CACNA2D3: variants seen among roughly 807,000 people sequenced by gnomAD.
CACNA2D3 encodes the protein calcium voltage-gated channel auxiliary subunit alpha2delta 3.
Under a neutral mutation model 160.6 loss-of-function variants are expected in CACNA2D3, and 60 were observed. The ratio of observed to expected loss-of-function variants is 0.37; its 90% CI spans 0.30 to 0.46. The LOEUF (loss-of-function observed/expected upper bound fraction) is 0.46. Ranked by LOEUF, CACNA2D3 falls within the 20% of genes least tolerant of loss-of-function variation. The pLI, the probability that CACNA2D3 is intolerant of heterozygous loss-of-function variation, is 1.00. For missense variants in CACNA2D3, 1,205 were observed against 1,365.0 expected (o/e 0.88, Z 1.85); for synonymous variants, 558 against 492.9 (o/e 1.13, Z -1.75).
chr3:54,589,095 G>A (rs770067034), intron 9 of CACNA2D3, among the ~76,000 whole-genome samples: 17 of 151,830 alleles, frequency 1.1e-4, no homozygotes, highest in Non-Finnish European at 1.6e-4. Flanking sequence ...TGAAGTAGAA[G>A]GAATCAATCT....
intron 34 of CACNA2D3, among the ~76,000 whole-genome samples, chr3:55,017,090 T>G (rs1177424263): frequency 6.6e-6 from 1 of 152,222 alleles, no homozygotes; most frequent in African/African-American, 2.4e-5. Flanking sequence ...TAAAATCCCA[T>G]TGAATTTTGG....
chr3:54,888,613 A>G (rs1002502395), intron 24 of CACNA2D3, among the ~76,000 whole-genome samples: 1 of 152,230 alleles, frequency 6.6e-6, no homozygotes, highest in Non-Finnish European at 1.5e-5. Flanking sequence ...TAAAAAGAAA[A>G]GGAAGAACCA....
chr3:55,021,851 A>G (rs1055693596), intron 35 of CACNA2D3, among the ~76,000 whole-genome samples: 13 of 151,726 alleles, frequency 8.6e-5, no homozygotes, highest in Non-Finnish European at 1.9e-4. Flanking sequence ...CCTTTTTATT[A>G]CTGAAGCCTA....
intron 2 of CACNA2D3, among the ~76,000 whole-genome samples, chr3:54,280,012 T>C (rs1702834441): frequency 1.3e-5 from 2 of 152,208 alleles, no homozygotes; most frequent in African/African-American, 4.8e-5. Flanking sequence ...GTGATTTCTT[T>C]GATACAACTA....
chr3:54,141,086 T>TGTGTGTGTGTGTGTGCGC (rs61601297), intron 2 of CACNA2D3, among the ~76,000 whole-genome samples: 1 of 119,800 alleles, frequency 8.3e-6, no homozygotes, highest in South Asian at 2.8e-4. Flanking sequence ...TGTGTGTGTG[T>TGTGTGTGTGTGTGTGCGC]GCGCGCGCGC....
At position 54,299,705 on chromosome 3, in the gene CACNA2D3, A is replaced by G. The variant is rs544275531; in HGVS notation, c.205-20737A>G. Among the ~76,000 whole-genome samples, 86 of 152,362 alleles carry G rather than the reference A, an allele frequency of 5.6e-4. 1 individual carries two copies. The South Asian group carries it at 0.017, about 30-fold the overall frequency. ...ATTCAGAAAAGGGAACTTTTTCAGT[A>G]AAGGATTAGTGACAAGATTTGAAAA... On this transcript the variant is annotated intron_variant, in intron 2 of 37. Transcript: ENST00000474759.
intron 27 of CACNA2D3, among the ~76,000 whole-genome samples, chr3:54,908,846 G>A (rs180942565): frequency 7.9e-5 from 12 of 152,358 alleles, no homozygotes; most frequent in African/African-American, 2.6e-4. Context: ...GCAGAGCTGA[G>A]TAGATGGAGG....
chr3:54,496,043 T>TC (rs1480376367), intron 4 of CACNA2D3, among the ~76,000 whole-genome samples: 1 of 152,224 alleles, frequency 6.6e-6, no homozygotes, highest in Non-Finnish European at 1.5e-5. Context: ...GATTTGTTAA[T>TC]CCTTTAACTG....
intron 11 of CACNA2D3, among the ~76,000 whole-genome samples, chr3:54,680,144 G>C (rs1026840642): frequency 1.3e-5 from 2 of 151,724 alleles, no homozygotes; most frequent in African/African-American, 4.8e-5. Context: ...ATAGCCTCCA[G>C]ATTCATTGAG....
At chr3:54,720,142 T>C (rs969620958) in intron 11 of CACNA2D3, among the ~76,000 whole-genome samples, 3 of 152,014 alleles carry the variant, frequency 2.0e-5, no homozygotes, top group Non-Finnish European at 2.9e-5. Context: ...CTATTCTTAT[T>C]TTTTATTTCC....
chr3:54,724,415 G>T (rs1701237928), intron 11 of CACNA2D3, among the ~76,000 whole-genome samples: 1 of 152,108 alleles, frequency 6.6e-6, no homozygotes, highest in Admixed American at 6.5e-5. Context: ...GGACCAAGGG[G>T]ACCTAACAGA....
At chr3:54,385,824 A>C (rs2106658676) in intron 3 of CACNA2D3, 1 of 451,338 alleles carries the variant, frequency 2.2e-6, no homozygotes, top group Non-Finnish European at 4.4e-6. Flanking sequence ...ATAGGATACA[A>C]GAGTGACCAC....
intron 5 of CACNA2D3, among the ~76,000 whole-genome samples, chr3:54,516,739 C>A (rs1310747515): frequency 6.6e-6 from 1 of 152,184 alleles, no homozygotes; most frequent in Non-Finnish European, 1.5e-5. Context: ...TTATTCAAGT[C>A]CCAGGCTGGA....
intron 5 of CACNA2D3, among the ~76,000 whole-genome samples, chr3:54,533,332 C>CTTTTTTTTTTTTTTTTTTTTTT (rs60076440): frequency 1.0e-5 from 1 of 97,306 alleles, no homozygotes; most frequent in African/African-American, 4.1e-5. Flanking sequence ...CTTTTCTTTC[C>CTTTTTTTTTTTTTTTTTTTTTT]TTTTTTTTTT....
intron 4 of CACNA2D3, among the ~76,000 whole-genome samples, chr3:54,414,275 G>C (rs1699719301): frequency 6.6e-6 from 1 of 152,162 alleles, no homozygotes. Flanking sequence ...ATGCATTTCT[G>C]TTATAGAATC....
intron 11 of CACNA2D3, among the ~76,000 whole-genome samples, chr3:54,744,865 T>G (rs1701723139): frequency 6.6e-6 from 1 of 152,184 alleles, no homozygotes; most frequent in African/African-American, 2.4e-5. Flanking sequence ...CAATGTGAGG[T>G]GGGTGGGTGG....
intron 11 of CACNA2D3, among the ~76,000 whole-genome samples, chr3:54,688,828 G>A (rs138071949): frequency 2.6e-5 from 4 of 151,314 alleles, no homozygotes; most frequent in South Asian, 2.1e-4. Context: ...TGGTGAAACC[G>A]CGTCTCTACT....
intron 5 of CACNA2D3, among the ~76,000 whole-genome samples, chr3:54,561,867 A>G (rs754439525): frequency 6.6e-6 from 1 of 152,228 alleles, no homozygotes; most frequent in African/African-American, 2.4e-5. Flanking sequence ...ACAGTTCCAC[A>G]TGGCTGGGGA....
At chr3:54,596,151 A>G (rs1260247188) in intron 9 of CACNA2D3, among the ~76,000 whole-genome samples, 2 of 152,088 alleles carry the variant, frequency 1.3e-5, no homozygotes, top group East Asian at 3.9e-4. Flanking sequence ...AAGCCATTTT[A>G]GGTCCCTCCT....
Sources: gnomAD v4.1 joint callset for allele counts (sites outside exome capture counted in the v4.1 genomes callset) on GRCh38, gnomAD v4.1.1 for gene constraint, MANE v1.5 for transcripts, NCBI Gene and HGNC (gene_info 2026-07-23, HGNC 2026-07-21) for gene names.